The following AFP variants were observed in gnomAD, a reference collection of about 807,000 sequenced individuals.
The protein encoded by AFP is alpha-fetoprotein.
In AFP, 64 loss-of-function variants were observed where a neutral mutation model predicts 78.9. The ratio of observed to expected loss-of-function variants is 0.81; its 90% CI spans 0.66 to 1.00. The LOEUF (loss-of-function observed/expected upper bound fraction) is 1.00, where lower values mean the gene tolerates loss of function less well. Among genes scored for constraint, AFP ranks in the 50% least tolerant of loss-of-function variants. The pLI is 0.00. For missense variants in AFP, 689 were observed against 703.8 expected, an observed-to-expected ratio of 0.98 and a Z score of 0.24; for synonymous variants, 254 against 243.8, an observed-to-expected ratio of 1.04 and a Z score of -0.39.
chr4:73,437,949 C>A (rs981717321), intron 2 of AFP, among the ~76,000 whole-genome samples: 1 of 151,850 alleles, frequency 6.6e-6, no homozygotes, highest in Non-Finnish European at 1.5e-5. Flanking sequence ...CTTATTTTAG[C>A]CTTTAACATC....
Position 73,447,615 on chromosome 4 carries a change from T to A in AFP, c.997T>A (p.Phe333Ile). The A allele has an allele frequency of 1.2e-6, 2 of 1,611,664 alleles. No individual in the cohort carries two copies. Among genetic ancestry groups the A allele is most frequent in the Non-Finnish European group, 8.5e-7 (1 of 1,179,524 alleles). Residue 333 changes from phenylalanine (F) to isoleucine (I), a missense_variant, in exon 8 of 15, where the codon TTT (phenylalanine) becomes ATT (isoleucine). By Grantham distance (21) the Phe-to-Ile change is conservative. Coordinates refer to ENST00000395792, the MANE Select transcript of AFP (RefSeq NM_001134.3). ...AGGTCTATCTCCAAATCTAAACAGG[T>A]TTTTAGGAGATAGAGATTTTAACCA... ...PEGLSPNLNR[F>I]LGDRDFNQFS...
chr4:73,447,231 C>T (rs1719856030), intron 7 of AFP, among the ~76,000 whole-genome samples: 1 of 152,004 alleles, frequency 6.6e-6, no homozygotes, highest in Non-Finnish European at 1.5e-5. Flanking sequence ...ATTAAACATT[C>T]ACACATTGTT....
In AFP at chr4:73,449,408, C is replaced by G; in HGVS notation, c.1132C>G (p.Gln378Glu). The change falls in exon 9 of 15, where the codon CAG becomes GAG. Residue 378 changes from glutamine (Q) to glutamate (E), a missense_variant. Transcript: ENST00000395792. ...SVILRVAKGYQELLEKCFQTE... is the reference protein window; with the variant it reads ...SVILRVAKGYEELLEKCFQTE... ...AATTCTAAGAGTTGCTAAAGGATAC[C>G]AGGAGTTATTGGAGAAGTGTTTCCA... 5.0e-6 allele frequency: 8 copies of G among 1,613,432 alleles called. No homozygotes were observed. Among genetic ancestry groups the G allele is most frequent in the Non-Finnish European group, 6.8e-6 (8 of 1,179,580 alleles).
chr4:73,443,950 C>T (rs1719749012), intron 6 of AFP, among the ~76,000 whole-genome samples: 1 of 152,040 alleles, frequency 6.6e-6, no homozygotes, highest in Admixed American at 6.6e-5. Flanking sequence ...GAGAAAAGAA[C>T]ATTTTAAATT....
chr4:73,455,700 CTT>C lies in AFP; in HGVS notation c.*84_*85del. The C allele has an allele frequency of 1.4e-6, 1 of 692,484 alleles. No individual in the cohort carries two copies. 42.9% of individuals were successfully genotyped at this position (692,484 alleles called of 1,614,324 possible). The stretch of plus-strand genomic sequence containing the variant: ...CTCTTTAATTTTAACTGATTTAACA[CTT>C]TTTGTGAATTAATGAAATGATAAAG... On this transcript the variant is annotated 3_prime_UTR_variant, in exon 15 of 15. Transcript: ENST00000395792.
intron 1 of AFP, among the ~76,000 whole-genome samples, chr4:73,436,683 C>G (rs1027757437): frequency 6.6e-6 from 1 of 151,272 alleles, no homozygotes; most frequent in Non-Finnish European, 1.5e-5. Context: ...TGTGAAGAAG[C>G]CAGAATTATG....
intron 7 of AFP, among the ~76,000 whole-genome samples, chr4:73,445,559 G>A (rs1719795813): frequency 6.6e-6 from 1 of 152,208 alleles, no homozygotes; most frequent in African/African-American, 2.4e-5. Flanking sequence ...GGAATTCACA[G>A]TCTGATAGGA....
rs149396728 is a variant in AFP, at chr4:73,444,978, C to CT, written c.714-7dup. 2.0e-3 allele frequency: 3,173 copies of CT among 1,590,686 alleles called. 76 individuals carry two copies. The East Asian group carries it at 0.05, about 25-fold the overall frequency. ...TAACCAAGAAATTAATTTCTAATTT[C>CT]TTTTTTTTCCCTAGAACTGTTACTA... On this transcript the variant is annotated splice_polypyrimidine_tract_variant and intron_variant, in intron 6 of 14. Coordinates refer to ENST00000395792, the MANE Select transcript of AFP (RefSeq NM_001134.3).
At chr4:73,439,055 G>A (rs1006008623) in intron 3 of AFP, among the ~76,000 whole-genome samples, 3 of 152,086 alleles carry the variant, frequency 2.0e-5, no homozygotes, top group Non-Finnish European at 4.4e-5. Flanking sequence ...ATAGCACATC[G>A]TTAGGGTTGC....
chr4:73,441,425 G>C (rs903730217), intron 4 of AFP, among the ~76,000 whole-genome samples: 3 of 151,554 alleles, frequency 2.0e-5, no homozygotes, highest in Non-Finnish European at 4.4e-5. Context: ...AAAATTAGCC[G>C]GGCGTGATGG....
At chr4:73,440,178 T>C (rs1719618351) in intron 3 of AFP, among the ~76,000 whole-genome samples, 1 of 152,140 alleles carries the variant, frequency 6.6e-6, no homozygotes, top group African/African-American at 2.4e-5. Context: ...AAGCCCAGCG[T>C]GCATTACCTA....
chr4:73,444,932 A>G (rs1719773866), intron 6 of AFP, 61 bp from the exon 7 acceptor site: 30 of 1,430,288 alleles, frequency 2.1e-5, no homozygotes, highest in Non-Finnish European at 2.8e-5. Flanking sequence ...TACTCTATAA[A>G]TTCTATTTTA....
At chr4:73,453,297 C>G (rs1004985526) in intron 12 of AFP, among the ~76,000 whole-genome samples, 3 of 152,102 alleles carry the variant, frequency 2.0e-5, no homozygotes, top group Non-Finnish European at 4.4e-5. Context: ...TTCTATTGCT[C>G]TGGTCTACTT....
At chr4:73,453,297 C>T (rs1004985526) in intron 12 of AFP, among the ~76,000 whole-genome samples, 1 of 152,102 alleles carries the variant, frequency 6.6e-6, no homozygotes, top group South Asian at 2.1e-4. Flanking sequence ...TTCTATTGCT[C>T]TGGTCTACTT....
chr4:73,442,568 CT>C (rs1467222653), intron 5 of AFP, 140 bp downstream of exon 5: 2 of 1,002,520 alleles, frequency 2.0e-6, no homozygotes, highest in African/African-American at 1.6e-5. Context: ...GTCTGATATT[CT>C]TCGAGTGAAC....
chr4:73,441,535 T>A (rs1487937247), intron 4 of AFP, among the ~76,000 whole-genome samples: 1 of 113,152 alleles, frequency 8.8e-6, no homozygotes, highest in Non-Finnish European at 1.7e-5. Flanking sequence ...GCCACTGCAC[T>A]CCCGCCGGGG....
At chr4:73,449,877 A>G (rs1719935376) in intron 9 of AFP, among the ~76,000 whole-genome samples, 159 bp from the exon 10 acceptor site, 1 of 152,160 alleles carries the variant, frequency 6.6e-6, no homozygotes, top group Admixed American at 6.5e-5. Flanking sequence ...TCTCCCCAAA[A>G]TCCATTTTCT....
chr4:73,454,047 T>C, intron 13 of AFP, 150 bp downstream of exon 13: 1 of 863,600 alleles, frequency 1.2e-6, no homozygotes. Flanking sequence ...TTCTATAAGA[T>C]TTAAAAAATA....
Position 73,438,304 on chromosome 4 carries a change from C to A in AFP, c.268C>A (p.Gln90Lys). 1 of 1,611,486 alleles carries A rather than the reference C, an allele frequency of 6.2e-7. No homozygotes were observed. Among genetic ancestry groups the A allele is most frequent in the Non-Finnish European group, 8.5e-7 (1 of 1,178,398 alleles). Residue 90 changes from glutamine (Q) to lysine (K), a missense_variant and splice_region_variant, in exon 3 of 15, where the codon CAG becomes AAG. By Grantham distance (53) the Gln-to-Lys change is moderately conservative. Coordinates refer to ENST00000395792, the MANE Select transcript of AFP (RefSeq NM_001134.3). Reference protein sequence around the residue: ...DEQSSGCLENQLPAFLEELCH... With the variant: ...DEQSSGCLENKLPAFLEELCH... The stretch of plus-strand genomic sequence containing the variant: ...ACAGTCTTCAGGGTGTTTAGAAAAC[C>A]AGGTGAGTGAATAATTTTAAAAAAG...
Sources: allele counts gnomAD v4.1 joint callset (sites outside exome capture counted in the v4.1 genomes callset), GRCh38; gene constraint gnomAD v4.1.1; transcripts MANE v1.5; gene names NCBI Gene and HGNC (gene_info 2026-07-23, HGNC 2026-07-21).